DPCD: variants seen among roughly 807,000 people sequenced by gnomAD.
The protein encoded by DPCD is deleted in primary ciliary dyskinesia homolog (mouse).
In DPCD, 20 loss-of-function variants were observed where a neutral mutation model predicts 26.4. That is an observed-to-expected ratio of 0.76 (90% confidence interval 0.53 to 1.10). The LOEUF is 1.10. DPCD is among the 50% of genes least tolerant of loss of function. The pLI is 0.00. For missense variants in DPCD, 202 were observed against 253.9 expected, an observed-to-expected ratio of 0.80 and a Z score of 1.39; for synonymous variants, 97 against 94.2, an observed-to-expected ratio of 1.03 and a Z score of -0.17.
rs2063714808 is a variant in DPCD, at chr10:101,603,714, GCCATTGCA to G, written c.404+2380_404+2387del. Among the ~76,000 whole-genome samples, 1 of 151,136 alleles carries G rather than the reference GCCATTGCA, an allele frequency of 6.6e-6. No individual in the cohort carries two copies. The highest frequency in any genetic ancestry group is 1.5e-5 in the Non-Finnish European group (1 of 67,894). On this transcript the variant is annotated intron_variant, in intron 4 of 5. Coordinates refer to ENST00000370151, the MANE Select transcript of DPCD (RefSeq NM_015448.3). This position sits in a 1 kb window ranked among gnomAD's most constrained non-coding sequence, Gnocchi z 4.6. ...AGAGGTTGCAGTGAGCCAAGATCAT[GCCATTGCA>G]CTCCAGCCTGGGTGACAGAGTGAGA...
At chr10:101,604,426 C>G (rs2063720003) in intron 4 of DPCD, among the ~76,000 whole-genome samples, 3 of 152,212 alleles carry the variant, frequency 2.0e-5, no homozygotes, top group Non-Finnish European at 4.4e-5. Flanking sequence ...AATGTGGTTA[C>G]TAACCAAAGC....
chr10:101,603,235 G>A lies in DPCD; in HGVS notation c.404+1899G>A, dbSNP rs1299075394. Among the ~76,000 whole-genome samples, 2 of 152,152 alleles carry A rather than the reference G, an allele frequency of 1.3e-5. No individual in the cohort carries two copies. The highest frequency in any genetic ancestry group is 1.9e-4 in the East Asian group (1 of 5,184). On this transcript the variant is annotated intron_variant, in intron 4 of 5. Coordinates refer to ENST00000370151, the MANE Select transcript of DPCD (RefSeq NM_015448.3). The surrounding 1 kb of genome is among the most constrained non-coding windows in gnomAD (Gnocchi z 4.6). ...TCTCTCTGTTGGGAGGTAACCTAGA[G>A]GCCGCTGAACCCTTAGCCAGATCGT...
intron 4 of DPCD, among the ~76,000 whole-genome samples, chr10:101,607,238 C>T (rs192666029): frequency 4.6e-5 from 7 of 152,284 alleles, no homozygotes; most frequent in Middle Eastern, 6.8e-3. Flanking sequence ...GCTGTTTAAC[C>T]TTTGACTCTC....
In DPCD at chr10:101,596,967, G is replaced by A. The variant is rs537476159; in HGVS notation, c.145+2229G>A. Among the ~76,000 whole-genome samples, 4 of 152,284 alleles carry A rather than the reference G, an allele frequency of 2.6e-5. No individual in the cohort carries two copies. The East Asian group carries it at 7.7e-4, about 29-fold the overall frequency. On this transcript the variant is annotated intron_variant, in intron 2 of 5. Transcript: ENST00000370151. ...GTCTGGGACAGAGTTCCTCCCGTCG[G>A]TGTTAATAAGCATGTTAGTGTCCTG... is the stretch of plus-strand genomic sequence containing the variant.
intron 2 of DPCD, among the ~76,000 whole-genome samples, chr10:101,598,279 C>T (rs1383028419): frequency 1.3e-5 from 2 of 152,054 alleles, no homozygotes; most frequent in African/African-American, 4.8e-5. Flanking sequence ...AGGTAGTCCT[C>T]ATAATTTACT....
At chr10:101,602,608 T>C (rs2063705871) in intron 4 of DPCD, among the ~76,000 whole-genome samples, 1 of 152,268 alleles carries the variant, frequency 6.6e-6, no homozygotes, top group Non-Finnish European at 1.5e-5. Context: ...TTATTCCCGT[T>C]ATTGTTCTCA....
At chr10:101,591,746 A>G (rs1049215606) in intron 1 of DPCD, among the ~76,000 whole-genome samples, 7 of 152,058 alleles carry the variant, frequency 4.6e-5, no homozygotes, top group Non-Finnish European at 1.0e-4. Context: ...CAATGGCGCA[A>G]TCTCGGCGCA....
Position 101,603,332 on chromosome 10 carries a change from A to G in DPCD, c.404+1996A>G, listed in dbSNP as rs1010916410. On this transcript the variant is annotated intron_variant, in intron 4 of 5. Coordinates refer to ENST00000370151, the MANE Select transcript of DPCD (RefSeq NM_015448.3). The surrounding 1 kb of genome is among the most constrained non-coding windows in gnomAD (Gnocchi z 4.6). ...TTATACCTTTACTCCCATTAATTAT[A>G]TAGAACTCAATGGGTATTCCTTTAT... Among the ~76,000 whole-genome samples the G allele has an allele frequency of 2.0e-5, 3 of 152,240 alleles. No homozygotes were observed. Among genetic ancestry groups the G allele is most frequent in the Non-Finnish European group, 1.5e-5 (1 of 68,046 alleles).
Position 101,609,399 on chromosome 10 carries a change from G to C in DPCD, c.540G>C (p.Glu180Asp). 1.2e-6 allele frequency: 2 copies of C among 1,614,172 alleles called. No homozygotes were observed. Among genetic ancestry groups the C allele is most frequent in the East Asian group, 2.2e-5 (1 of 44,890 alleles). ...AGCCAAAGGAGGTTGTGGTGGCCGA[G>C]TCTGAGCTACAGAAGGAACTAAAGA... is the stretch of plus-strand genomic sequence containing the variant. ...YQKPKEVVVA[E>D]SELQKELKKV... Residue 180 changes from glutamate (E) to aspartate (D), a missense_variant, in exon 6 of 6, where the codon GAG becomes GAC. Glu to Asp is a conservative substitution (Grantham distance 45). Transcript: ENST00000370151.
At chr10:101,596,233 A>C (rs989318827) in intron 2 of DPCD, among the ~76,000 whole-genome samples, 2 of 151,862 alleles carry the variant, frequency 1.3e-5, no homozygotes, top group Non-Finnish European at 2.9e-5. Context: ...TAAAAGCAGA[A>C]ATGGAGAAGA....
At chr10:101,590,063 GAA>G (rs34473619) in intron 1 of DPCD, among the ~76,000 whole-genome samples, 40 of 117,252 alleles carry the variant, frequency 3.4e-4, no homozygotes, top group East Asian at 1.2e-3. Flanking sequence ...AAAAAAACTG[GAA>G]AAAAAAAAAA....
rs1388692144 is a variant in DPCD at position 101,603,757 on chromosome 10, A to G, written c.404+2421A>G. 8.2e-6 allele frequency among the ~76,000 whole-genome samples: 1 copy of G among 121,900 alleles called. No homozygotes were observed. Among genetic ancestry groups the G allele is most frequent in the Non-Finnish European group, 1.8e-5 (1 of 55,802 alleles). The allele number at this position is 121,900 out of a possible 152,430, so 80.0% of individuals were successfully genotyped here. On this transcript the variant is annotated intron_variant, in intron 4 of 5. Coordinates refer to ENST00000370151, the MANE Select transcript of DPCD (RefSeq NM_015448.3). This position sits in a 1 kb window ranked among gnomAD's most constrained non-coding sequence, Gnocchi z 4.6. ...GGGTGACAGAGTGAGACTCCATCTCAAAAAAAAAAAAAGAGATGGAGTCTT... is the reference window on the plus strand; with the variant it reads ...GGGTGACAGAGTGAGACTCCATCTCGAAAAAAAAAAAAGAGATGGAGTCTT...
intron 1 of DPCD, chr10:101,588,701 A>G (rs186368907): frequency 1.4e-5 from 15 of 1,106,734 alleles, no homozygotes; most frequent in Admixed American, 1.0e-4. Context: ...CTGAGAGGCT[A>G]ATTTTCACCC....
intron 1 of DPCD, among the ~76,000 whole-genome samples, chr10:101,590,509 T>C (rs1244961477): frequency 2.0e-5 from 3 of 152,140 alleles, no homozygotes; most frequent in Non-Finnish European, 4.4e-5. Flanking sequence ...TTCTGTGGCA[T>C]TAAGTACATT....
At chr10:101,597,792 C>G (rs1474984574) in intron 2 of DPCD, among the ~76,000 whole-genome samples, 2 of 152,174 alleles carry the variant, frequency 1.3e-5, no homozygotes, top group African/African-American at 4.8e-5. Flanking sequence ...TCCTTGAGTT[C>G]AGAAACAAAG....
rs141504281 is a variant in DPCD, at chr10:101,609,137, A to G, written c.507+200A>G. The G allele has an allele frequency of 5.0e-4, 321 of 641,468 alleles. No homozygotes were observed. In the African/African-American group the frequency reaches 5.4e-3, roughly 11 times the overall value. The allele number at this position is 641,468 out of a possible 1,614,324, so 39.7% of individuals were successfully genotyped here. A position where few individuals can be genotyped will look rare whatever the true frequency, so the allele number is the denominator to read the frequency against. ...GAGCCTGACCATATAATTCACAGCT[A>G]GAAGAGGGTAGAGGGTGAAAGGGAA... On this transcript the variant is annotated intron_variant, in intron 5 of 5. Coordinates refer to ENST00000370151, the MANE Select transcript of DPCD (RefSeq NM_015448.3).
At chr10:101,589,615 C>G (rs1161440272) in intron 1 of DPCD, among the ~76,000 whole-genome samples, 1 of 151,998 alleles carries the variant, frequency 6.6e-6, no homozygotes. Flanking sequence ...TGTGGTGGTT[C>G]ACGCCTGTAA....
chr10:101,596,965 C>G (rs1169331940), intron 2 of DPCD, among the ~76,000 whole-genome samples: 1 of 152,130 alleles, frequency 6.6e-6, no homozygotes, highest in Non-Finnish European at 1.5e-5. Context: ...TTCCTCCCGT[C>G]GGTGTTAATA....
chr10:101,609,272 A>G (rs2063756332), intron 5 of DPCD, 95 bp from the exon 6 acceptor site: 1 of 1,169,818 alleles, frequency 8.5e-7, no homozygotes, highest in Non-Finnish European at 1.2e-6. Context: ...TTCTCGTGCA[A>G]ATAAGGGGAT....
Sources: allele counts gnomAD v4.1 joint callset (sites outside exome capture counted in the v4.1 genomes callset), GRCh38; gene constraint gnomAD v4.1.1; non-coding constraint Gnocchi (gnomAD v3.1); transcripts MANE v1.5; gene names NCBI Gene and HGNC (gene_info 2026-07-23, HGNC 2026-07-21).